AGAP1: variants seen among roughly 807,000 people sequenced by gnomAD.
AGAP1 encodes the protein arf-GAP with GTPase, ANK repeat and PH domain-containing protein 1.
AGAP1 carries 29 observed loss-of-function variants against 105.3 expected under a neutral mutation model. The observed-to-expected ratio is 0.28, with a 90% CI of 0.21 to 0.38. The LOEUF (loss-of-function observed/expected upper bound fraction) is 0.38. Among genes scored for constraint, AGAP1 ranks in the 10% least tolerant of loss-of-function variants. The pLI, the probability that AGAP1 is intolerant of heterozygous loss-of-function variation, is 1.00. For missense variants in AGAP1, 998 were observed against 1,165.1 expected (o/e 0.86, Z 2.09); for synonymous variants, 509 against 485.9 (o/e 1.05, Z -0.63).
intron 1 of AGAP1, among the ~76,000 whole-genome samples, chr2:235,580,918 T>C (rs1254578440): frequency 6.6e-6 from 1 of 152,166 alleles, no homozygotes; most frequent in African/African-American, 2.4e-5. Context: ...GTATGGTGAA[T>C]AACTTGTGAC....
intron 1 of AGAP1, among the ~76,000 whole-genome samples, chr2:235,510,209 A>G (rs1942014510): frequency 6.6e-6 from 1 of 152,204 alleles, no homozygotes; most frequent in South Asian, 2.1e-4. Context: ...TTGAATCATC[A>G]TGAAACCATC....
chr2:236,043,259 A>G (rs1391699930), intron 15 of AGAP1, among the ~76,000 whole-genome samples: 1 of 152,156 alleles, frequency 6.6e-6, no homozygotes, highest in Non-Finnish European at 1.5e-5. Context: ...CCAGCTGTAT[A>G]CTCCAGGAAC....
intron 11 of AGAP1, among the ~76,000 whole-genome samples, chr2:235,923,436 G>A (rs1055339902): frequency 6.6e-5 from 10 of 152,112 alleles, no homozygotes; most frequent in African/African-American, 1.2e-4. Flanking sequence ...TCATAGCCAC[G>A]TTTACAGGGG....
At chr2:235,653,499 T>TAAAATATAAC (rs1483953992) in intron 1 of AGAP1, among the ~76,000 whole-genome samples, 16 of 130,248 alleles carry the variant, frequency 1.2e-4, no homozygotes, top group East Asian at 2.6e-4. Context: ...TAAAATAAAA[T>TAAAATATAAC]ATAACATAAC....
Position 235,497,739 on chromosome 2 carries a change from C to G in AGAP1, c.163+2890C>G, listed in dbSNP as rs570663239. 2.5e-4 allele frequency among the ~76,000 whole-genome samples: 38 copies of G among 152,304 alleles called. No homozygotes were observed. In the South Asian group the frequency reaches 7.5e-3, roughly 30 times the overall value. ...CCTCCCGAGTAGCTGGGACTACAGGCGCCCACCACCTCGCCTGGCTAATTT... is the reference window on the plus strand; with the variant it reads ...CCTCCCGAGTAGCTGGGACTACAGGGGCCCACCACCTCGCCTGGCTAATTT... On this transcript the variant is annotated intron_variant, in intron 1 of 17. Coordinates refer to ENST00000304032, the MANE Select transcript of AGAP1 (RefSeq NM_001037131.3).
intron 9 of AGAP1, among the ~76,000 whole-genome samples, chr2:235,844,613 A>G (rs1428843493): frequency 6.6e-6 from 1 of 152,036 alleles, no homozygotes; most frequent in Non-Finnish European, 1.5e-5. Context: ...GCAGCTTGGC[A>G]CGGCATTTAA....
chr2:236,036,931 C>T lies in AGAP1; in HGVS notation c.1800+216C>T, dbSNP rs530511439. ...TTCCAGCCTGACCGTGCTTCCCTGG[C>T]AGGAGAGCCAAGGTTAAATCTTCAG... On this transcript the variant is annotated intron_variant, in intron 14 of 17. Transcript: ENST00000304032. This position sits in a 1 kb window ranked among gnomAD's most constrained non-coding sequence, Gnocchi z 5.7. Among the ~76,000 whole-genome samples, 1 of 152,304 alleles carries T rather than the reference C, an allele frequency of 6.6e-6. No homozygotes were observed. Among genetic ancestry groups the T allele is most frequent in the African/African-American group, 2.4e-5 (1 of 41,566 alleles).
In AGAP1 at chr2:235,865,107, G is replaced by A. The variant is rs919142783; in HGVS notation, c.1051-18238G>A. ...AAATGTGAAGTGTGTCGGTCACAAA[G>A]CATACATTTCGGGGCAGTTAGCTGA... On this transcript the variant is annotated intron_variant, in intron 9 of 17. Coordinates refer to ENST00000304032, the MANE Select transcript of AGAP1 (RefSeq NM_001037131.3). This position sits in a 1 kb window ranked among gnomAD's most constrained non-coding sequence, Gnocchi z 6.2. 1.1e-4 allele frequency among the ~76,000 whole-genome samples: 16 copies of A among 152,330 alleles called. No homozygotes were observed. Among genetic ancestry groups the A allele is most frequent in the African/African-American group, 3.6e-4 (15 of 41,570 alleles).
chr2:235,637,020 C>T (rs963421452), intron 1 of AGAP1, among the ~76,000 whole-genome samples: 7 of 152,156 alleles, frequency 4.6e-5, no homozygotes, highest in East Asian at 3.9e-4. Context: ...GCCCTGCTGA[C>T]GCTTTGATCT....
At chr2:235,868,433 C>T (rs1483022950) in intron 9 of AGAP1, among the ~76,000 whole-genome samples, 4 of 152,094 alleles carry the variant, frequency 2.6e-5, no homozygotes, top group African/African-American at 9.7e-5. Context: ...AGAGCAAAGG[C>T]GAGTGGTTGT....
rs2054024977 is a variant in AGAP1 at position 235,958,130 on chromosome 2, G to A, written c.1484-10332G>A. 6.6e-6 allele frequency among the ~76,000 whole-genome samples: 1 copy of A among 152,112 alleles called. No homozygotes were observed. Among genetic ancestry groups the A allele is most frequent in the Non-Finnish European group, 1.5e-5 (1 of 68,022 alleles). On this transcript the variant is annotated intron_variant, in intron 12 of 17. Coordinates refer to ENST00000304032, the MANE Select transcript of AGAP1 (RefSeq NM_001037131.3). This position sits in a 1 kb window ranked among gnomAD's most constrained non-coding sequence, Gnocchi z 4.1. ...AGCATTTTGTATCTTTAATCAACAT[G>A]TAGAAAATGAACAGCCAACCCTTCG... is the stretch of plus-strand genomic sequence containing the variant.
chr2:235,847,183 A>G (rs1961597980), intron 9 of AGAP1, among the ~76,000 whole-genome samples: 1 of 152,230 alleles, frequency 6.6e-6, no homozygotes, highest in Admixed American at 6.5e-5. Flanking sequence ...GCCTGTAAGA[A>G]TGGTGGTTTC....
At chr2:236,029,224 A>G (rs947690075) in intron 13 of AGAP1, among the ~76,000 whole-genome samples, 2 of 150,056 alleles carry the variant, frequency 1.3e-5, no homozygotes, top group Non-Finnish European at 3.0e-5. Context: ...TCATTTGCTC[A>G]CCAACCTGTC....
At position 235,824,937 on chromosome 2, in the gene AGAP1, A is replaced by T. The variant is rs1394246419; in HGVS notation, c.1050+17606A>T. Among the ~76,000 whole-genome samples the T allele has an allele frequency of 6.6e-6, 1 of 152,180 alleles. No individual in the cohort carries two copies. The highest frequency in any genetic ancestry group is 2.4e-5 in the African/African-American group (1 of 41,444). On this transcript the variant is annotated intron_variant, in intron 9 of 17. Coordinates refer to ENST00000304032, the MANE Select transcript of AGAP1 (RefSeq NM_001037131.3). The surrounding 1 kb of genome is among the most constrained non-coding windows in gnomAD (Gnocchi z 5.2). ...CTTTTCTGATTTTTCTTTCCCCCTAATGGAAACCTTCCTTTTTTTATCAAC... is the reference window on the plus strand; with the variant it reads ...CTTTTCTGATTTTTCTTTCCCCCTATTGGAAACCTTCCTTTTTTTATCAAC...
rs569563698 is a variant in AGAP1, at chr2:235,756,939, G to A, written c.673+6451G>A. On this transcript the variant is annotated intron_variant, in intron 6 of 17. Transcript: ENST00000304032. ...ACCAGTCCTTGGTGCCAAAAAGGTTGGGGACTGCTGCTATATAGAATTTAA... is the reference window on the plus strand; with the variant it reads ...ACCAGTCCTTGGTGCCAAAAAGGTTAGGGACTGCTGCTATATAGAATTTAA... 2.6e-5 allele frequency among the ~76,000 whole-genome samples: 4 copies of A among 151,356 alleles called. No individual in the cohort carries two copies. In the South Asian group the frequency reaches 8.4e-4, roughly 32 times the overall value.
rs987437825 is a variant in AGAP1, at chr2:235,958,935, A to G, written c.1484-9527A>G. ...GCAGATTGTGATCATTATTGCTCGT[A>G]TTATATATTTTTTGGGGTGTGCGTT... On this transcript the variant is annotated intron_variant, in intron 12 of 17. Transcript: ENST00000304032. This position sits in a 1 kb window ranked among gnomAD's most constrained non-coding sequence, Gnocchi z 4.1. Among the ~76,000 whole-genome samples, 9 of 152,164 alleles carry G rather than the reference A, an allele frequency of 5.9e-5. No homozygotes were observed. The highest frequency in any genetic ancestry group is 2.2e-4 in the African/African-American group (9 of 41,440).
intron 9 of AGAP1, among the ~76,000 whole-genome samples, chr2:235,881,725 A>G (rs10166380): frequency 0.03 from 4,501 of 152,352 alleles, 202 homozygotes; most frequent in African/African-American, 0.096. Flanking sequence ...CTGTCAAGGT[A>G]GAGCAAGGTT....
At chr2:235,510,476 T>G (rs191730294) in intron 1 of AGAP1, among the ~76,000 whole-genome samples, 59 of 152,360 alleles carry the variant, frequency 3.9e-4, no homozygotes, top group Admixed American at 3.3e-4. Context: ...TTTCCAGTTC[T>G]TGGCTTTTAC....
At position 235,891,278 on chromosome 2, in the gene AGAP1, C is replaced by T. The variant is rs780466679; in HGVS notation, c.1155+7829C>T. 7.9e-5 allele frequency among the ~76,000 whole-genome samples: 12 copies of T among 152,184 alleles called. No individual in the cohort carries two copies. Among genetic ancestry groups the T allele is most frequent in the Non-Finnish European group, 1.5e-4 (10 of 68,036 alleles). On this transcript the variant is annotated intron_variant, in intron 10 of 17. Transcript: ENST00000304032. This position sits in a 1 kb window ranked among gnomAD's most constrained non-coding sequence, Gnocchi z 4.2. The stretch of plus-strand genomic sequence containing the variant: ...AAGACTGACACGGTCAAAGCAAGCA[C>T]GCTGGCTGATGCTGCTGCTCTGCGG...
Sources: allele counts gnomAD v4.1 joint callset (sites outside exome capture counted in the v4.1 genomes callset), GRCh38; gene constraint gnomAD v4.1.1; non-coding constraint Gnocchi (gnomAD v3.1); transcripts MANE v1.5; gene names NCBI Gene and HGNC (gene_info 2026-07-23, HGNC 2026-07-21).